PCDHA10: variants seen among roughly 807,000 people sequenced by gnomAD.
PCDHA10 encodes the protein protocadherin alpha-10.
In PCDHA10, 45 loss-of-function variants were observed where a neutral mutation model predicts 61.2. That is an observed-to-expected ratio of 0.74 (90% CI 0.58 to 0.94). The LOEUF is 0.94. PCDHA10 is among the 40% of genes least tolerant of loss of function. The probability of loss-of-function intolerance (pLI) is 0.00; values close to 1 mark genes in which losing one functional copy is unlikely to be tolerated. For missense variants in PCDHA10, 1,278 were observed against 1,236.2 expected (o/e 1.03, Z -0.51); for synonymous variants, 602 against 548.8 (o/e 1.10, Z -1.35).
intron 1 of PCDHA10, chr5:140,929,215 T>C (rs1554206842): frequency 1.2e-6 from 2 of 1,613,934 alleles, no homozygotes; most frequent in East Asian, 2.2e-5. Context: ...GCGTGGGGAG[T>C]ACAATGCTGC....
intron 1 of PCDHA10, among the ~76,000 whole-genome samples, chr5:140,960,334 T>C (rs902345282): frequency 6.6e-6 from 1 of 152,182 alleles, no homozygotes; most frequent in African/African-American, 2.4e-5. Context: ...GAGAAGTACA[T>C]GAGGTGAGAT....
intron 1 of PCDHA10, among the ~76,000 whole-genome samples, chr5:140,890,741 A>G (rs1346321522): frequency 2.0e-5 from 3 of 152,132 alleles, no homozygotes; most frequent in African/African-American, 7.2e-5. Flanking sequence ...CTTATATACT[A>G]TTTCTGTCAT....
At chr5:140,883,526 G>A (rs1554178547) in intron 1 of PCDHA10, 2 of 1,614,226 alleles carry the variant, frequency 1.2e-6, no homozygotes, top group East Asian at 2.2e-5. Flanking sequence ...GAGCGTATCA[G>A]CCTATGAACT....
Position 140,988,605 on chromosome 5 carries a change from A to G in PCDHA10, c.2536+6042A>G, listed in dbSNP as rs558232011. Among the ~76,000 whole-genome samples, 7 of 152,332 alleles carry G rather than the reference A, an allele frequency of 4.6e-5. No homozygotes were observed. In the East Asian group the frequency reaches 1.2e-3, roughly 25 times the overall value. On this transcript the variant is annotated intron_variant, in intron 3 of 3. Coordinates refer to ENST00000307360, the MANE Select transcript of PCDHA10 (RefSeq NM_018901.4). ...TTCCACTTTTAATGGTCATGTAAAT[A>G]AAAGACTAGAATGGAGATGTCCTGG...
At chr5:140,951,543 CG>C (rs1201907714) in intron 1 of PCDHA10, among the ~76,000 whole-genome samples, 2 of 151,550 alleles carry the variant, frequency 1.3e-5, no homozygotes, top group Admixed American at 1.3e-4. Flanking sequence ...GAGCAAGGGA[CG>C]GGGGGAAGTG....
intron 1 of PCDHA10, chr5:140,969,328 T>C (rs2096319778): frequency 1.2e-6 from 2 of 1,614,124 alleles, no homozygotes; most frequent in Admixed American, 1.7e-5. Flanking sequence ...TTTCTCAAAA[T>C]GAGGTGAGAC....
At chr5:140,910,387 T>C (rs540534807) in intron 1 of PCDHA10, among the ~76,000 whole-genome samples, 1 of 152,158 alleles carries the variant, frequency 6.6e-6, no homozygotes, top group Admixed American at 6.6e-5. Context: ...CCTTTGACAG[T>C]TGACTGGCCC....
chr5:140,941,206 T>TCTTC (rs201128549), intron 1 of PCDHA10, among the ~76,000 whole-genome samples: 3,670 of 95,482 alleles, frequency 0.038, 169 homozygotes, highest in African/African-American at 0.16. Flanking sequence ...TTTCTTCCTT[T>TCTTC]CTTTCTTCCT....
chr5:140,883,506 T>A (rs782204819), intron 1 of PCDHA10: 1 of 1,614,078 alleles, frequency 6.2e-7, no homozygotes, highest in Non-Finnish European at 8.5e-7. Context: ...GACAGCGCCC[T>A]GGACCGCGAG....
chr5:140,873,776 T>C (rs1001856431), intron 1 of PCDHA10, among the ~76,000 whole-genome samples: 13 of 152,208 alleles, frequency 8.5e-5, no homozygotes, highest in Non-Finnish European at 1.9e-4. Context: ...TTCTCCTGCC[T>C]CAGCTTTCCG....
At chr5:140,926,155 T>TGCAGCAGGATCCAGCGCGGAAAGCCCC (rs1563077309) in intron 1 of PCDHA10, among the ~76,000 whole-genome samples, 3 of 152,076 alleles carry the variant, frequency 2.0e-5, no homozygotes, top group African/African-American at 4.8e-5. Context: ...CGGAAAGCTC[T>TGCAGCAGGATCCAGCGCGGAAAGCCCC]GCAGCAGGAT....
At chr5:140,874,926 A>C (rs1282020251) in intron 1 of PCDHA10, among the ~76,000 whole-genome samples, 1 of 152,228 alleles carries the variant, frequency 6.6e-6, no homozygotes, top group Non-Finnish European at 1.5e-5. Flanking sequence ...GTGAAGGTTA[A>C]AAGTTATTGA....
chr5:140,869,442 G>A (rs782686984), intron 1 of PCDHA10: 3 of 1,614,208 alleles, frequency 1.9e-6, no homozygotes, highest in African/African-American at 1.3e-5. Flanking sequence ...TGGACAGGCC[G>A]CTGCAGGTTT....
chr5:140,994,105 A>G (rs1264024543), intron 3 of PCDHA10, among the ~76,000 whole-genome samples: 2 of 152,226 alleles, frequency 1.3e-5, no homozygotes, highest in African/African-American at 2.4e-5. Context: ...TGGAAATATT[A>G]CATTGTCATG....
At chr5:140,962,318 A>G (rs2095672102) in intron 1 of PCDHA10, among the ~76,000 whole-genome samples, 1 of 152,338 alleles carries the variant, frequency 6.6e-6, no homozygotes, top group South Asian at 2.1e-4. Context: ...GGCCATCTCA[A>G]TTGAGAATAC....
rs1489202467 is a variant in PCDHA10 at position 140,882,704 on chromosome 5, A to G, written c.2388+24268A>G. ...GAAACGAATAATCATTGCAGAATCTAGACCTCCGGAAACTCGATTTCCACT... is the reference window on the plus strand; with the variant it reads ...GAAACGAATAATCATTGCAGAATCTGGACCTCCGGAAACTCGATTTCCACT... On this transcript the variant is annotated intron_variant, in intron 1 of 3. Coordinates refer to ENST00000307360, the MANE Select transcript of PCDHA10 (RefSeq NM_018901.4). 6 of 1,614,110 alleles carry G rather than the reference A, an allele frequency of 3.7e-6. No individual in the cohort carries two copies. The African/African-American group carries it at 8.0e-5, about 22-fold the overall frequency.
chr5:140,883,332 T>A, intron 1 of PCDHA10: 1 of 1,614,174 alleles, frequency 6.2e-7, no homozygotes, highest in East Asian at 2.2e-5. Context: ...ATCACTTCTT[T>A]GTCACTCCCC....
At chr5:140,893,616 G>C (rs1431019657) in intron 1 of PCDHA10, among the ~76,000 whole-genome samples, 3 of 152,188 alleles carry the variant, frequency 2.0e-5, no homozygotes, top group African/African-American at 7.2e-5. Context: ...CATTTCTGAA[G>C]TATAGCTCTG....
chr5:140,906,669 A>G (rs2153496058), intron 1 of PCDHA10, among the ~76,000 whole-genome samples: 1 of 152,302 alleles, frequency 6.6e-6, no homozygotes. Context: ...GTAGTGACCC[A>G]AACCTTCATT....
Sources: gnomAD v4.1 joint callset for allele counts (sites outside exome capture counted in the v4.1 genomes callset) on GRCh38, gnomAD v4.1.1 for gene constraint, MANE v1.5 for transcripts, NCBI Gene and HGNC (gene_info 2026-07-23, HGNC 2026-07-21) for gene names.